Variants in PCDH9 observed in about 807,000 individuals in gnomAD.
PCDH9 encodes the protein protocadherin-9.
A neutral mutation model predicts 70.6 loss-of-function variants in PCDH9; 24 were observed. That is an observed-to-expected ratio of 0.34 (90% CI 0.25 to 0.48). The LOEUF is 0.48. Ranked by LOEUF, PCDH9 falls within the 20% of genes least tolerant of loss-of-function variation. The pLI is 0.99. For synonymous variants in PCDH9, 562 were observed against 558.5 expected (o/e 1.01, Z -0.09); for missense variants, 1,281 against 1,503.6 (o/e 0.85, Z 2.45).
At chr13:66,748,465 T>C (rs1473606415) in intron 3 of PCDH9, among the ~76,000 whole-genome samples, 1 of 152,230 alleles carries the variant, frequency 6.6e-6, no homozygotes, top group Admixed American at 6.5e-5. Context: ...GTGTGTATAA[T>C]TCCTTAGAAG....
At chr13:66,390,267 A>G (rs771225737) in intron 4 of PCDH9, among the ~76,000 whole-genome samples, 10 of 152,168 alleles carry the variant, frequency 6.6e-5, no homozygotes, top group African/African-American at 1.2e-4. Flanking sequence ...TGAGAGATCA[A>G]TGTGGACTAT....
rs1396277669 is a variant in PCDH9 at position 66,428,287 on chromosome 13, A to AGAT, written c.3341-123262_3341-123260dup. Among the ~76,000 whole-genome samples the AGAT allele has an allele frequency of 5.3e-5, 8 of 151,914 alleles. No individual in the cohort carries two copies. In the East Asian group the frequency reaches 1.4e-3, roughly 26 times the overall value. On this transcript the variant is annotated intron_variant, in intron 4 of 4. Transcript: ENST00000377865. ...AATCCAACATGTCAGGAAAACTCTCAGATAAGTAAAAACTATGTTGGGTTT... is the reference window on the plus strand; with the variant it reads ...AATCCAACATGTCAGGAAAACTCTCAGATGATAAGTAAAAACTATGTTGGGTTT...
At chr13:66,706,606 C>T (rs2078714687) in intron 3 of PCDH9, among the ~76,000 whole-genome samples, 1 of 152,098 alleles carries the variant, frequency 6.6e-6, no homozygotes, top group African/African-American at 2.4e-5. Flanking sequence ...AAGTCACAAC[C>T]TAAAACAAAT....
chr13:66,571,044 T>C (rs1360412818), intron 4 of PCDH9, among the ~76,000 whole-genome samples: 1 of 152,042 alleles, frequency 6.6e-6, no homozygotes, highest in Non-Finnish European at 1.5e-5. Flanking sequence ...TCTTAACATT[T>C]TATCCTGCTA....
intron 3 of PCDH9, among the ~76,000 whole-genome samples, chr13:66,686,023 C>T (rs1421700230): frequency 3.3e-5 from 5 of 152,078 alleles, no homozygotes; most frequent in African/African-American, 1.2e-4. Context: ...GTGGAATGCG[C>T]TAAGACTTTG....
intron 3 of PCDH9, among the ~76,000 whole-genome samples, chr13:66,846,814 T>C (rs576896847): frequency 3.3e-5 from 5 of 152,008 alleles, no homozygotes; most frequent in South Asian, 4.2e-4. Flanking sequence ...GCTGTAATAG[T>C]AAAACTTGCT....
intron 2 of PCDH9, chr13:67,211,208 C>G (rs2089460975): frequency 6.6e-6 from 1 of 151,782 alleles, no homozygotes; most frequent in African/African-American, 2.4e-5. Context: ...ACATTTGATT[C>G]CTGAGGTCTA....
chr13:66,929,078 A>G (rs2082762425), intron 2 of PCDH9, among the ~76,000 whole-genome samples: 1 of 152,158 alleles, frequency 6.6e-6, no homozygotes, highest in Non-Finnish European at 1.5e-5. Flanking sequence ...CCTTTAAGTT[A>G]ATAACTTTTT....
At chr13:66,645,281 C>T (rs991544119) in intron 3 of PCDH9, among the ~76,000 whole-genome samples, 1 of 152,108 alleles carries the variant, frequency 6.6e-6, no homozygotes, top group African/African-American at 2.4e-5. Context: ...TCCCCATCAC[C>T]CATGCATATA....
chr13:66,686,514 T>A (rs142679529), intron 3 of PCDH9, among the ~76,000 whole-genome samples: 1 of 152,226 alleles, frequency 6.6e-6, no homozygotes, highest in Non-Finnish European at 1.5e-5. Flanking sequence ...GTAGCTTCAA[T>A]ACAATATTTG....
chr13:66,941,368 TAACA>T (rs2083003898), intron 2 of PCDH9, among the ~76,000 whole-genome samples: 1 of 151,664 alleles, frequency 6.6e-6, no homozygotes, highest in Non-Finnish European at 1.5e-5. Context: ...GGCAAATAGA[TAACA>T]AACAGCAAGA....
intron 2 of PCDH9, among the ~76,000 whole-genome samples, chr13:66,905,313 G>T (rs1254470309): frequency 6.6e-6 from 1 of 151,878 alleles, no homozygotes; most frequent in Non-Finnish European, 1.5e-5. Context: ...TTTTTAAAAG[G>T]TTTCATGTAT....
At chr13:66,643,212 C>T (rs1775620967) in intron 3 of PCDH9, among the ~76,000 whole-genome samples, 1 of 151,932 alleles carries the variant, frequency 6.6e-6, no homozygotes, top group African/African-American at 2.4e-5. Flanking sequence ...TGTTTTAAGC[C>T]TCTCTTGCTT....
At chr13:66,678,365 T>C (rs2078272991) in intron 3 of PCDH9, among the ~76,000 whole-genome samples, 1 of 152,112 alleles carries the variant, frequency 6.6e-6, no homozygotes, top group African/African-American at 2.4e-5. Flanking sequence ...CAGAAACATA[T>C]AGAAGTATAG....
At chr13:66,787,388 G>T (rs1419102232) in intron 3 of PCDH9, among the ~76,000 whole-genome samples, 1 of 152,124 alleles carries the variant, frequency 6.6e-6, no homozygotes, top group Non-Finnish European at 1.5e-5. Flanking sequence ...GGCTGAGGCA[G>T]GTGGATCACC....
intron 2 of PCDH9, among the ~76,000 whole-genome samples, chr13:66,980,448 G>A (rs560111117): frequency 2.6e-5 from 4 of 152,132 alleles, no homozygotes; most frequent in African/African-American, 9.6e-5. Flanking sequence ...TATTATCTTG[G>A]CCAATTTCTA....
At chr13:66,969,519 A>G (rs986281775) in intron 2 of PCDH9, among the ~76,000 whole-genome samples, 1 of 152,072 alleles carries the variant, frequency 6.6e-6, no homozygotes, top group Non-Finnish European at 1.5e-5. Flanking sequence ...TTGAATTTCA[A>G]TAGTATGATT....
chr13:66,588,284 C>T (rs1435898218), intron 4 of PCDH9, among the ~76,000 whole-genome samples: 5 of 151,882 alleles, frequency 3.3e-5, no homozygotes, highest in Non-Finnish European at 7.4e-5. Flanking sequence ...TTTCCATTTA[C>T]CTTACCTCAA....
chr13:66,317,870 A>C (rs1319323490), intron 4 of PCDH9, among the ~76,000 whole-genome samples: 1 of 152,194 alleles, frequency 6.6e-6, no homozygotes, highest in Non-Finnish European at 1.5e-5. Context: ...GTGACTTTTT[A>C]AAAGGCTAAT....
Sources: gnomAD v4.1 joint callset for allele counts (sites outside exome capture counted in the v4.1 genomes callset) on GRCh38, gnomAD v4.1.1 for gene constraint, MANE v1.5 for transcripts, NCBI Gene and HGNC (gene_info 2026-07-23, HGNC 2026-07-21) for gene names.